SYTL2: variants seen among roughly 807,000 people sequenced by gnomAD.
The protein encoded by SYTL2 is synaptotagmin like 2.
A neutral mutation model predicts 198.7 loss-of-function variants in SYTL2; 165 were observed. That is an observed-to-expected ratio of 0.83 (90% confidence interval 0.73 to 0.94). The LOEUF is 0.94. Among genes scored for constraint, SYTL2 ranks in the 40% least tolerant of loss-of-function variants. The pLI is 0.00. For missense variants in SYTL2, 2,835 were observed against 2,582.8 expected (o/e 1.10, Z -2.12); for synonymous variants, 966 against 917.7 (o/e 1.05, Z -0.95).
chr11:85,838,438 A>G, the SYTL2 span, among the ~76,000 whole-genome samples: 1 of 152,150 alleles, frequency 6.6e-6, no homozygotes, highest in Non-Finnish European at 1.5e-5. Context: ...AGACTGGGTA[A>G]TTTATAAAGA....
chr11:85,709,427 G>T lies in SYTL2; in HGVS notation c.5819C>A (p.Ala1940Glu). ...NLEVKGNIQF[A>E]IEYVESLKEL... The stretch of plus-strand genomic sequence containing the variant: ...CTTCAGTGACTCCACATATTCAATT[G>T]CAAACTGAATATTTCCTTTAACTTC... The change falls in exon 14 of 20, where the codon GCA becomes GAA. Residue 1940 changes from alanine (A) to glutamate (E), a missense_variant. Transcript: ENST00000359152. 6.2e-7 allele frequency: 1 copy of T among 1,613,578 alleles called. No homozygotes were observed. Among genetic ancestry groups the T allele is most frequent in the Non-Finnish European group, 8.5e-7 (1 of 1,179,558 alleles).
intron 1 of SYTL2, among the ~76,000 whole-genome samples, chr11:85,767,444 A>G (rs1296051699): frequency 6.6e-6 from 1 of 152,224 alleles, no homozygotes. Flanking sequence ...CTAGGTTTCA[A>G]ATTCAAAGGA....
At chr11:85,831,727 T>A in the SYTL2 span, among the ~76,000 whole-genome samples, 2 of 152,114 alleles carry the variant, frequency 1.3e-5, no homozygotes, top group African/African-American at 4.8e-5. Context: ...TGTGTACAAT[T>A]GTTTGCATAT....
intron 3 of SYTL2, among the ~76,000 whole-genome samples, chr11:85,746,818 C>T (rs1335492805): frequency 6.6e-6 from 1 of 152,232 alleles, no homozygotes; most frequent in Non-Finnish European, 1.5e-5. Context: ...CAGTCCTTTT[C>T]TGCAAGGAGT....
At chr11:85,729,130 C>T (rs976578980) in intron 7 of SYTL2, among the ~76,000 whole-genome samples, 2 of 152,184 alleles carry the variant, frequency 1.3e-5, no homozygotes, top group African/African-American at 2.4e-5. Flanking sequence ...GACTCCCACA[C>T]AGTAATAGTG....
chr11:85,719,738 C>T (rs1395509677), intron 9 of SYTL2, among the ~76,000 whole-genome samples: 2 of 152,154 alleles, frequency 1.3e-5, no homozygotes, highest in Non-Finnish European at 2.9e-5. Flanking sequence ...TTGGGATAGT[C>T]AGGACTACAT....
chr11:85,772,316 AT>A (rs2092371295), intron 1 of SYTL2, among the ~76,000 whole-genome samples: 1 of 152,244 alleles, frequency 6.6e-6, no homozygotes, highest in Non-Finnish European at 1.5e-5. Flanking sequence ...ATCTTCATAT[AT>A]ATAGTTCCTG....
At chr11:85,717,908 T>C (rs562662100) in intron 10 of SYTL2, among the ~76,000 whole-genome samples, 3 of 152,320 alleles carry the variant, frequency 2.0e-5, no homozygotes, top group South Asian at 4.2e-4. Context: ...GTTTTTCTTA[T>C]CAGCAAAATG....
Position 85,724,366 on chromosome 11 carries a change from G to A in SYTL2, c.4992C>T (p.Thr1664=), listed in dbSNP as rs1166191693. ...TTTCATGAGCCACATAAAGTTGTGG[G>A]GTTCTAGGGATCTCAACTCCACTTC... ...GSRSGVEIPR[T]PQLYVAHEIG... Residue 1664 remains threonine, a synonymous_variant, in exon 8 of 20, where the codon ACC becomes ACT. Transcript: ENST00000359152. 6.3e-7 allele frequency: 1 copy of A among 1,586,342 alleles called. No homozygotes were observed. The highest frequency in any genetic ancestry group is 1.8e-5 in the Admixed American group (1 of 55,300).
At chr11:85,761,872 T>G (rs558001861) in intron 1 of SYTL2, among the ~76,000 whole-genome samples, 154 of 152,324 alleles carry the variant, frequency 1.0e-3, no homozygotes, top group Non-Finnish European at 1.8e-3. Flanking sequence ...TTGTACAGGC[T>G]GGTCTTGAAC....
chr11:85,734,204 T>G lies in SYTL2; in HGVS notation c.1125A>C (p.Thr375=). 1 of 1,614,218 alleles carries G rather than the reference T, an allele frequency of 6.2e-7. No homozygotes were observed. Among genetic ancestry groups the G allele is most frequent in the Non-Finnish European group, 8.5e-7 (1 of 1,180,016 alleles). ...LKNGMEDAGD[T]EEFQSDPKPS... ...GCTTAGGGTCACTCTGAAACTCTTC[T>G]GTGTCCCCTGCATCTTCCATTCCAT... The change falls in exon 7 of 20, where the codon ACA becomes ACC. Residue 375 remains threonine (T), a synonymous_variant. Coordinates refer to ENST00000359152, the MANE Select transcript of SYTL2 (RefSeq NM_206927.4).
intron 4 of SYTL2, 43 bp from the exon 5 acceptor site, chr11:85,737,699 T>C (rs1297729447): frequency 6.5e-7 from 1 of 1,535,272 alleles, no homozygotes; most frequent in East Asian, 2.3e-5. Context: ...CCTCACCTTT[T>C]GAGGAATCAT....
intron 1 of SYTL2, among the ~76,000 whole-genome samples, chr11:85,765,557 A>G (rs1291982194): frequency 1.3e-5 from 2 of 152,160 alleles, no homozygotes; most frequent in Non-Finnish European, 2.9e-5. Flanking sequence ...TATAGAGCCA[A>G]CTGAAAATTA....
At chr11:85,697,787 T>A (rs1013229184) in intron 18 of SYTL2, among the ~76,000 whole-genome samples, 192 bp downstream of exon 18, 1 of 152,230 alleles carries the variant, frequency 6.6e-6, no homozygotes, top group African/African-American at 2.4e-5. Flanking sequence ...GACCTCTTAC[T>A]TTATGATTTT....
rs1248961304 is a variant in SYTL2, at chr11:85,731,273, C to T, written c.1390+2666G>A. ...GGAACCAAAAAAGAGGTTGCATAGC[C>T]AACACGTTCCTAAGCAAAAAGAACA... is the stretch of plus-strand genomic sequence containing the variant. On this transcript the variant is annotated intron_variant, in intron 7 of 19. Transcript: ENST00000359152. Among the ~76,000 whole-genome samples the T allele has an allele frequency of 3.9e-5, 6 of 152,190 alleles. No homozygotes were observed. The East Asian group carries it at 1.2e-3, about 29-fold the overall frequency.
chr11:85,787,559 G>T (rs1162324714), intron 1 of SYTL2, among the ~76,000 whole-genome samples: 2 of 152,140 alleles, frequency 1.3e-5, no homozygotes, highest in African/African-American at 4.8e-5. Flanking sequence ...AGTTCAAGTG[G>T]AAGATGACAA....
chr11:85,813,336 A>G (rs1171942507), upstream of SYTL2, among the ~76,000 whole-genome samples: 1 of 152,156 alleles, frequency 6.6e-6, no homozygotes, highest in Non-Finnish European at 1.5e-5. Context: ...AAATAATTGC[A>G]CTGCTCTCTC....
chr11:85,757,628 ACTCTCTCTTCTTCGGCCCT>A lies in SYTL2; in HGVS notation c.79_97del (p.Arg27SerfsTer14). ...CAAGGCTTCTCTGGCCTCTTACCTG[ACTCTCTCTTCTTCGGCCCT>A]CTTCAGAGCAGCATCCCGCTGCAAA... On this transcript the variant is annotated frameshift_variant, in exon 2 of 20. Transcript: ENST00000359152. LOFTEE classifies it high-confidence loss of function. 1.2e-6 allele frequency: 2 copies of A among 1,612,982 alleles called. No homozygotes were observed. Among genetic ancestry groups the A allele is most frequent in the Non-Finnish European group, 1.7e-6 (2 of 1,179,578 alleles).
At chr11:85,777,459 T>C (rs2092470314) in intron 1 of SYTL2, among the ~76,000 whole-genome samples, 1 of 152,178 alleles carries the variant, frequency 6.6e-6, no homozygotes, top group African/African-American at 2.4e-5. Flanking sequence ...CATTCATTGC[T>C]ACCAACACTC....
Sources: gnomAD v4.1 joint callset for allele counts (sites outside exome capture counted in the v4.1 genomes callset) on GRCh38, gnomAD v4.1.1 for gene constraint, MANE v1.5 for transcripts, NCBI Gene and HGNC (gene_info 2026-07-23, HGNC 2026-07-21) for gene names.